The following USP54 variants were observed in gnomAD, a reference collection of about 807,000 sequenced individuals.
USP54 encodes the protein ubiquitin carboxyl-terminal hydrolase 54.
Under a neutral mutation model 170.5 loss-of-function variants are expected in USP54, and 87 were observed. That is an observed-to-expected ratio of 0.51 (90% CI 0.43 to 0.61). The LOEUF (loss-of-function observed/expected upper bound fraction) is 0.61, where lower values mean the gene tolerates loss of function less well. Among genes scored for constraint, USP54 ranks in the 20% least tolerant of loss-of-function variants. The pLI is 0.00. For missense variants in USP54, 1,786 were observed against 2,047.8 expected, an observed-to-expected ratio of 0.87 and a Z score of 2.47; for synonymous variants, 655 against 742.8, an observed-to-expected ratio of 0.88 and a Z score of 1.92.
chr10:73,504,610 C>T, intron 22 of USP54: 1 of 555,720 alleles, frequency 1.8e-6, no homozygotes, highest in Non-Finnish European at 3.2e-6. Flanking sequence ...CTCTTCTCAC[C>T]CCAGGAAACC....
chr10:73,541,843 C>T, intron 7 of USP54, 105 bp from the exon 8 acceptor site: 1 of 1,102,032 alleles, frequency 9.1e-7, no homozygotes, highest in Non-Finnish European at 1.3e-6. Context: ...TCTTCCTCTG[C>T]CCCCTATACC....
intron 1 of USP54, among the ~76,000 whole-genome samples, chr10:73,602,693 T>C (rs559058713): frequency 3.3e-5 from 5 of 149,380 alleles, no homozygotes; most frequent in Non-Finnish European, 5.9e-5. Flanking sequence ...CTGTCTCTAA[T>C]AAAAATACAA....
chr10:73,572,282 G>A (rs1041942731), intron 3 of USP54, among the ~76,000 whole-genome samples: 1 of 152,156 alleles, frequency 6.6e-6, no homozygotes, highest in African/African-American at 2.4e-5. Context: ...AGGAGCCTAA[G>A]AAGACATGAC....
At chr10:73,561,479 T>G (rs1312158257) in intron 4 of USP54, among the ~76,000 whole-genome samples, 1 of 151,996 alleles carries the variant, frequency 6.6e-6, no homozygotes, top group Non-Finnish European at 1.5e-5. Flanking sequence ...AATTAAAAAA[T>G]TTAAAATTTA....
At chr10:73,619,174 G>A (rs2080888507) in intron 1 of USP54, among the ~76,000 whole-genome samples, 1 of 150,578 alleles carries the variant, frequency 6.6e-6, no homozygotes, top group Non-Finnish European at 1.5e-5. Flanking sequence ...GGGCGATGGA[G>A]CAAGACTTGT....
chr10:73,505,140 G>A, intron 21 of USP54, 150 bp from the exon 22 acceptor site: 1 of 1,288,362 alleles, frequency 7.8e-7, no homozygotes. Flanking sequence ...TAGTGGCCAT[G>A]TAACAATCTC....
At chr10:73,566,560 A>G (rs1308779190) in intron 4 of USP54, among the ~76,000 whole-genome samples, 1 of 151,386 alleles carries the variant, frequency 6.6e-6, no homozygotes, top group East Asian at 2.0e-4. Flanking sequence ...GTGAAACCCC[A>G]TCTCTACTAA....
chr10:73,561,172 C>A (rs529896767), intron 4 of USP54, among the ~76,000 whole-genome samples: 1 of 141,342 alleles, frequency 7.1e-6, no homozygotes, highest in Non-Finnish European at 1.5e-5. Flanking sequence ...CCAGAAAACA[C>A]AGAAAAGTAG....
chr10:73,585,484 A>G (rs1337234304), intron 1 of USP54, among the ~76,000 whole-genome samples: 1 of 152,144 alleles, frequency 6.6e-6, no homozygotes, highest in Non-Finnish European at 1.5e-5. Flanking sequence ...GACAAGGGAG[A>G]GGTCTCAGGC....
At position 73,551,022 on chromosome 10, in the gene USP54, G is replaced by A. The variant is rs566091693; in HGVS notation, c.241-5350C>T. ...GCGGAGGCTGAGGCAGGAGAATGGC[G>A]TGAACCCAGAAGGCAGAGCTTGCAG... On this transcript the variant is annotated intron_variant, in intron 4 of 23. Coordinates refer to ENST00000687698, the MANE Select transcript of USP54 (RefSeq NM_001391956.1). Among the ~76,000 whole-genome samples the A allele has an allele frequency of 3.9e-5, 6 of 152,234 alleles. No individual in the cohort carries two copies. In the South Asian group the frequency reaches 6.2e-4, roughly 16 times the overall value.
At chr10:73,583,432 C>A (rs2077119498) in intron 1 of USP54, among the ~76,000 whole-genome samples, 1 of 152,100 alleles carries the variant, frequency 6.6e-6, no homozygotes, top group Non-Finnish European at 1.5e-5. Context: ...ATTACAGGCG[C>A]CTGCCACCAC....
At chr10:73,613,304 G>A (rs145495565) in intron 1 of USP54, among the ~76,000 whole-genome samples, 6,334 of 151,356 alleles carry the variant, frequency 0.042, 404 homozygotes, top group African/African-American at 0.14. Context: ...GCTAATTTTT[G>A]TATTTTTAGT....
At chr10:73,524,998 A>G (rs967637001) in intron 16 of USP54, among the ~76,000 whole-genome samples, 4 of 152,346 alleles carry the variant, frequency 2.6e-5, no homozygotes, top group Middle Eastern at 3.4e-3. Flanking sequence ...CCACAGCAGT[A>G]TAAGTCCAAT....
Position 73,575,695 on chromosome 10 carries a change from G to C in USP54, c.-17-20C>G. 1 of 1,528,182 alleles carries C rather than the reference G, an allele frequency of 6.5e-7. No individual in the cohort carries two copies. The highest frequency in any genetic ancestry group is 8.8e-7 in the Non-Finnish European group (1 of 1,133,532). 94.7% of individuals were successfully genotyped at this position (1,528,182 alleles called of 1,614,324 possible). ...TTTAGCCTGAAAAAAAAATGGAGAA[G>C]GATTTGTGCCTTTTTGGCAGGAATT... On this transcript the variant is annotated intron_variant, in intron 2 of 23. Coordinates refer to ENST00000687698, the MANE Select transcript of USP54 (RefSeq NM_001391956.1).
chr10:73,599,631 A>T (rs375668179), intron 1 of USP54, among the ~76,000 whole-genome samples: 1 of 152,176 alleles, frequency 6.6e-6, no homozygotes, highest in African/African-American at 2.4e-5. Context: ...AAATTCATTT[A>T]AAAATGTTCA....
chr10:73,555,765 TTC>T (rs1226136261), intron 4 of USP54, among the ~76,000 whole-genome samples: 1 of 152,204 alleles, frequency 6.6e-6, no homozygotes, highest in Non-Finnish European at 1.5e-5. Context: ...GGGGACACCC[TTC>T]TGGATATGCA....
intron 1 of USP54, chr10:73,613,927 G>A (rs1177594684): frequency 6.6e-6 from 1 of 151,382 alleles, no homozygotes; most frequent in Non-Finnish European, 1.5e-5. Context: ...GTTAGCAAAA[G>A]GATTTAGTGG....
At chr10:73,502,564 C>A (rs758143763) in intron 22 of USP54, among the ~76,000 whole-genome samples, 5 of 152,226 alleles carry the variant, frequency 3.3e-5, no homozygotes, top group Non-Finnish European at 7.3e-5. Context: ...CTGCCCGCCT[C>A]AGCCTCCCAA....
At chr10:73,604,129 G>A (rs554144081) in intron 1 of USP54, among the ~76,000 whole-genome samples, 5 of 151,716 alleles carry the variant, frequency 3.3e-5, no homozygotes, top group African/African-American at 1.2e-4. Context: ...CACACCTGTA[G>A]TCCCAGCTAC....
Sources: gnomAD v4.1 joint callset for allele counts (sites outside exome capture counted in the v4.1 genomes callset) on GRCh38, gnomAD v4.1.1 for gene constraint, MANE v1.5 for transcripts, NCBI Gene and HGNC (gene_info 2026-07-23, HGNC 2026-07-21) for gene names.